FAM50A: variants seen among roughly 807,000 people sequenced by gnomAD.
The protein encoded by FAM50A is family with sequence similarity 50 member A.
A neutral mutation model predicts 35.5 loss-of-function variants in FAM50A; 6 were observed. That is an observed-to-expected ratio of 0.17 (90% CI 0.09 to 0.33). The LOEUF is 0.33. FAM50A is among the 10% of genes least tolerant of loss of function. FAM50A has a pLI of 1.00. For missense variants in FAM50A, 145 were observed against 295.5 expected (o/e 0.49, Z 3.73); for synonymous variants, 120 against 110.9 (o/e 1.08, Z -0.52).
intron 8 of FAM50A, 130 bp from the exon 9 acceptor site, chrX:154,449,551 G>C: frequency 1.7e-6 from 1 of 582,992 alleles, no homozygotes; most frequent in Non-Finnish European, 2.8e-6. Context: ...CTAAACCATG[G>C]AGCTTCCCTC....
rs782336649 is a variant in FAM50A, at chrX:154,448,988, T to G, written c.648+34T>G. On this transcript the variant is annotated intron_variant, in intron 7 of 12. Coordinates refer to ENST00000393600, the MANE Select transcript of FAM50A (RefSeq NM_004699.4). Reference sequence around the variant, plus strand: ...CGTGCAGCCTGCTTCCTGCTCACCATGGGCCCAGCCTCCCTCAGGTTCCGT... The same window carrying G: ...CGTGCAGCCTGCTTCCTGCTCACCAGGGGCCCAGCCTCCCTCAGGTTCCGT... 1.8e-5 allele frequency: 21 copies of G among 1,161,277 alleles called. No individual in the cohort carries two copies. In the South Asian group the frequency reaches 3.5e-4, roughly 19 times the overall value.
At position 154,444,168 on chromosome X, in the gene FAM50A, T is replaced by TGCCGCTGCCGCTGTCGCTGTC. The variant is rs2068770088; in HGVS notation, c.-62_-42dup. On this transcript the variant is annotated 5_prime_UTR_variant, in exon 1 of 13. Transcript: ENST00000393600. ...CTGACTGTTCGGCCGCCACCGCCGC[T>TGCCGCTGCCGCTGTCGCTGTC]GCCGCTGCCGCTGTCGCTGTCGCCG... 4 of 344,459 alleles carry TGCCGCTGCCGCTGTCGCTGTC rather than the reference T, an allele frequency of 1.2e-5. No homozygotes were observed. The highest frequency in any genetic ancestry group is 1.5e-5 in the Non-Finnish European group (4 of 267,121). The allele number at this position is 344,459 out of a possible 1,213,427, so 28.4% of individuals were successfully genotyped here.
chrX:154,445,336 G>T (rs2068778040), intron 1 of FAM50A: 1 of 349,151 alleles, frequency 2.9e-6, no homozygotes. Context: ...CTTGGGTCTC[G>T]GAAGCTTCAG....
In FAM50A at chrX:154,448,477, G is replaced by A. The variant is rs2068790945; in HGVS notation, c.443-7G>A. The A allele has an allele frequency of 1.7e-6, 2 of 1,203,865 alleles. No homozygotes were observed. The highest frequency in any genetic ancestry group is 3.5e-5 in the South Asian group (2 of 56,810). On this transcript the variant is annotated splice_polypyrimidine_tract_variant and splice_region_variant and intron_variant, in intron 4 of 12. Coordinates refer to ENST00000393600, the MANE Select transcript of FAM50A (RefSeq NM_004699.4). ...ATGCTATGATATTCGGCTTCCTTTT[G>A]TTCCAGAGATCACCACGAAGAAGAG...
intron 4 of FAM50A, among the ~76,000 whole-genome samples, chrX:154,447,731 C>G (rs1314829058): frequency 9.0e-6 from 1 of 111,410 alleles, no homozygotes; most frequent in African/African-American, 3.3e-5. Flanking sequence ...CTCCTGGACT[C>G]AAGGGACCCT....
At chrX:154,448,205 A>G (rs186290575) in intron 4 of FAM50A, among the ~76,000 whole-genome samples, 1 of 107,402 alleles carries the variant, frequency 9.3e-6, no homozygotes, top group Non-Finnish European at 1.9e-5. Flanking sequence ...AGTAGCTGGT[A>G]CTACAGGTGC....
At chrX:154,449,562 A>G (rs1396536613) in intron 8 of FAM50A, 119 bp from the exon 9 acceptor site, 3 of 619,489 alleles carry the variant, frequency 4.8e-6, no homozygotes, top group Non-Finnish European at 7.7e-6. Flanking sequence ...AGCTTCCCTC[A>G]CAGCCAACTG....
Position 154,445,659 on chromosome X carries a change from CAAG to C in FAM50A, c.142_144del (p.Lys48del). 1 of 1,209,475 alleles carries C rather than the reference CAAG, an allele frequency of 8.3e-7. No individual in the cohort carries two copies. On this transcript the variant is annotated inframe_deletion, in exon 2 of 13. Transcript: ENST00000393600. ...AGAACATCATGAAATCCAACATTGA[CAAG>C]AAGTTCTCTGCGCACTACGACGCGG...
Position 154,444,353 on chromosome X carries a change from G to T in FAM50A, c.111+7G>T. 1 of 1,046,708 alleles carries T rather than the reference G, an allele frequency of 9.6e-7. No individual in the cohort carries two copies. The highest frequency in any genetic ancestry group is 1.3e-6 in the Non-Finnish European group (1 of 793,689). 86.3% of individuals were successfully genotyped at this position (1,046,708 alleles called of 1,213,427 possible). A position where few individuals can be genotyped will look rare whatever the true frequency, so the allele number is the denominator to read the frequency against. On this transcript the variant is annotated splice_region_variant and intron_variant, in intron 1 of 12. Transcript: ENST00000393600. ...GAAGCAGCGCATCGCGGAGGTGCGA[G>T]CCGGGGAGCCTCGGAGCATGCGCGC...
chrX:154,444,211 C>T lies in FAM50A; in HGVS notation c.-25C>T, dbSNP rs782189682. 3 of 752,019 alleles carry T rather than the reference C, an allele frequency of 4.0e-6. No homozygotes were observed. Among genetic ancestry groups the T allele is most frequent in the Non-Finnish European group, 4.9e-6 (3 of 611,952 alleles). 62.0% of individuals were successfully genotyped at this position (752,019 alleles called of 1,213,427 possible). A position where few individuals can be genotyped will look rare whatever the true frequency, so the allele number is the denominator to read the frequency against. On this transcript the variant is annotated 5_prime_UTR_variant, in exon 1 of 13. Coordinates refer to ENST00000393600, the MANE Select transcript of FAM50A (RefSeq NM_004699.4). ...TGTCGCCGCCGCCGCCGCCCGCCGCCGCCGCCGCCGCCGCCGCCGCTGCCA... is the reference window on the plus strand; with the variant it reads ...TGTCGCCGCCGCCGCCGCCCGCCGCTGCCGCCGCCGCCGCCGCCGCTGCCA...
At chrX:154,444,396 G>A (rs1557199562) in intron 1 of FAM50A, 50 bp downstream of exon 1, 23 of 820,951 alleles carry the variant, frequency 2.8e-5, no homozygotes, top group Non-Finnish European at 3.6e-5. Context: ...GTCCCCGGCG[G>A]CCCCGCGCCA....
chrX:154,449,574 C>T, intron 8 of FAM50A, 107 bp from the exon 9 acceptor site: 2 of 678,061 alleles, frequency 2.9e-6, no homozygotes, highest in Admixed American at 2.9e-5. Flanking sequence ...AGCCAACTGG[C>T]CGCTGCTTCC....
Position 154,449,652 on chromosome X carries a change from G to C in FAM50A, c.726-29G>C, listed in dbSNP as rs781947199. The C allele has an allele frequency of 2.5e-6, 3 of 1,194,344 alleles. No individual in the cohort carries two copies. In the South Asian group the frequency reaches 5.4e-5, roughly 21 times the overall value. On this transcript the variant is annotated intron_variant, in intron 8 of 12. Transcript: ENST00000393600. Reference sequence around the variant, plus strand: ...CCCTGGGCAGGGGTGCTGTCCTCTTGCCCACGCCCTCCTGCCTTCCTCCCT... The same window carrying C: ...CCCTGGGCAGGGGTGCTGTCCTCTTCCCCACGCCCTCCTGCCTTCCTCCCT...
chrX:154,448,837 A>AGCCCCAAGGCT, intron 6 of FAM50A, 56 bp from the exon 7 acceptor site: 1 of 1,194,950 alleles, frequency 8.4e-7, no homozygotes, highest in Non-Finnish European at 1.1e-6. Context: ...TGGTGCGCTG[A>AGCCCCAAGGCT]GCCCCAAGGC....
chrX:154,444,310 CGAGCAGATG>C lies in FAM50A; in HGVS notation c.85_93del (p.Glu29_Met31del). ...TGATGAAGAAGCGGGAGAAGCAGCGCGAGCAGATGGAGCAGATGAAGCAGCGCATCGCGG... is the reference window on the plus strand; with the variant it reads ...TGATGAAGAAGCGGGAGAAGCAGCGCGAGCAGATGAAGCAGCGCATCGCGG... On this transcript the variant is annotated inframe_deletion, in exon 1 of 13. Coordinates refer to ENST00000393600, the MANE Select transcript of FAM50A (RefSeq NM_004699.4). 8.9e-7 allele frequency: 1 copy of C among 1,122,888 alleles called. No homozygotes were observed. Among genetic ancestry groups the C allele is most frequent in the Non-Finnish European group, 1.2e-6 (1 of 850,045 alleles). The allele number at this position is 1,122,888 out of a possible 1,213,427, so 92.5% of individuals were successfully genotyped here. A position where few individuals can be genotyped will look rare whatever the true frequency, so the allele number is the denominator to read the frequency against.
At chrX:154,448,638 G>T (rs782514667) in intron 5 of FAM50A, 52 bp from the exon 6 acceptor site, 8 of 1,185,356 alleles carry the variant, frequency 6.7e-6, no homozygotes, top group Non-Finnish European at 2.3e-6. Context: ...CAGGCTCTGC[G>T]TGCACCCTGA....
At position 154,450,034 on chromosome X, in the gene FAM50A, C is replaced by G. The variant is rs782222242; in HGVS notation, c.835C>G (p.Leu279Val). 8.3e-7 allele frequency: 1 copy of G among 1,209,330 alleles called. No individual in the cohort carries two copies. Among genetic ancestry groups the G allele is most frequent in the African/African-American group, 1.8e-5 (1 of 57,014 alleles). ...VTKARGKSGP[L>V]FNFDVHDDVR... ...CTGTCACTTCTCCCCTGCAGGACCA[C>G]TCTTCAACTTTGATGTTCATGACGA... The change falls in exon 11 of 13, where the codon CTC becomes GTC. Residue 279 changes from leucine (L) to valine (V), a missense_variant. This residue lies in a region of FAM50A where 59 missense variants were observed against 164.5 expected (regional missense o/e 0.36). Coordinates refer to ENST00000393600, the MANE Select transcript of FAM50A (RefSeq NM_004699.4).
chrX:154,448,963 C>T lies in FAM50A; in HGVS notation c.648+9C>T, dbSNP rs994309238. On this transcript the variant is annotated intron_variant, in intron 7 of 12. Coordinates refer to ENST00000393600, the MANE Select transcript of FAM50A (RefSeq NM_004699.4). ...ACCGGCGGACAGTCAAGGTAGGCAGCGTGCAGCCTGCTTCCTGCTCACCAT... is the reference window on the plus strand; with the variant it reads ...ACCGGCGGACAGTCAAGGTAGGCAGTGTGCAGCCTGCTTCCTGCTCACCAT... 4.9e-5 allele frequency: 59 copies of T among 1,199,167 alleles called. No individual in the cohort carries two copies. The highest frequency in any genetic ancestry group is 8.7e-5 in the Admixed American group (4 of 45,732).
In FAM50A at chrX:154,445,828, T is replaced by C. The variant is rs782813545; in HGVS notation, c.213T>C (p.Asn71=). 1 of 1,210,492 alleles carries C rather than the reference T, an allele frequency of 8.3e-7. No individual in the cohort carries two copies. Reference sequence around the variant, plus strand: ...GCTTCAAAGGTCTCGTGACCCTGAATGACATGAAGGCCAAGCAGGAGGCTC... The same window carrying C: ...GCTTCAAAGGTCTCGTGACCCTGAACGACATGAAGGCCAAGCAGGAGGCTC... ...KSSTVGLVTL[N]DMKAKQEALV... The change falls in exon 3 of 13, where the codon AAT becomes AAC. Residue 71 remains asparagine, a synonymous_variant. Transcript: ENST00000393600.
Sources: gnomAD v4.1 joint callset for allele counts (sites outside exome capture counted in the v4.1 genomes callset) on GRCh38, gnomAD v4.1.1 for gene constraint, gnomAD v4.1.1 regional missense constraint, MANE v1.5 for transcripts, NCBI Gene and HGNC (gene_info 2026-07-23, HGNC 2026-07-21) for gene names.